UQCRC2: variants seen among roughly 807,000 people sequenced by gnomAD.
The protein encoded by UQCRC2 is ubiquinol-cytochrome c reductase core protein 2.
A neutral mutation model predicts 55.6 loss-of-function variants in UQCRC2; 49 were observed. The observed-to-expected ratio is 0.88, with a 90% CI of 0.70 to 1.12. UQCRC2 has a LOEUF of 1.12. Ranked by LOEUF, UQCRC2 falls within the 50% of genes most tolerant of loss-of-function variation. UQCRC2 has a pLI of 0.00. For missense variants in UQCRC2, 506 were observed against 547.8 expected (o/e 0.92, Z 0.76); for synonymous variants, 193 against 192.0 (o/e 1.01, Z -0.04).
chr16:21,978,180 G>A (rs1195199647), intron 12 of UQCRC2, among the ~76,000 whole-genome samples: 1 of 152,140 alleles, frequency 6.6e-6, no homozygotes, highest in African/African-American at 2.4e-5. Context: ...AGTTCTTCCT[G>A]TAGTGAAAGA....
intron 3 of UQCRC2, among the ~76,000 whole-genome samples, chr16:21,958,143 C>T (rs1465909974): frequency 6.6e-6 from 1 of 152,150 alleles, no homozygotes; most frequent in Non-Finnish European, 1.5e-5. Flanking sequence ...TGAGAAACCA[C>T]AAGATATTTG....
chr16:21,967,614 G>A (rs1269499271), intron 7 of UQCRC2, among the ~76,000 whole-genome samples: 1 of 152,118 alleles, frequency 6.6e-6, no homozygotes, highest in Non-Finnish European at 1.5e-5. Flanking sequence ...TGATTGGATG[G>A]ATGGGTAGTT....
At chr16:21,961,666 A>ATATT in intron 4 of UQCRC2, among the ~76,000 whole-genome samples, 1 of 111,104 alleles carries the variant, frequency 9.0e-6, no homozygotes, top group Admixed American at 9.4e-5. Context: ...ATATATATAT[A>ATATT]TATTTTAGAC....
intron 4 of UQCRC2, among the ~76,000 whole-genome samples, chr16:21,961,668 A>ATATT (rs1321053912): frequency 2.6e-5 from 3 of 116,048 alleles, no homozygotes; most frequent in Non-Finnish European, 5.2e-5. Context: ...ATATATATAT[A>ATATT]TTTTAGACAG....
intron 1 of UQCRC2, among the ~76,000 whole-genome samples, chr16:21,955,691 C>T (rs778243962): frequency 1.3e-5 from 2 of 152,168 alleles, no homozygotes; most frequent in African/African-American, 2.4e-5. Flanking sequence ...CTCAGGATGA[C>T]ATACATGTCA....
At chr16:21,957,182 A>G (rs1898099353) in intron 1 of UQCRC2, 53 bp from the exon 2 acceptor site, 5 of 1,560,108 alleles carry the variant, frequency 3.2e-6, no homozygotes, top group African/African-American at 2.7e-5. Context: ...ATGCTTTTAT[A>G]TAAAGCACTG....
chr16:21,972,314 A>G (rs1159953210), intron 10 of UQCRC2, among the ~76,000 whole-genome samples, 192 bp downstream of exon 10: 4 of 152,198 alleles, frequency 2.6e-5, no homozygotes, highest in East Asian at 3.8e-4. Context: ...CACTTTGTCT[A>G]TTACTTGTCA....
intron 6 of UQCRC2, among the ~76,000 whole-genome samples, chr16:21,964,713 C>G (rs1292072585): frequency 2.6e-5 from 4 of 152,206 alleles, no homozygotes; most frequent in African/African-American, 9.6e-5. Flanking sequence ...CCTTGTACCT[C>G]TACTGCACTT....
chr16:21,980,787 CAGTGTATTATTCTT>C (rs1898705351), intron 13 of UQCRC2, 87 bp downstream of exon 13: 1 of 1,489,848 alleles, frequency 6.7e-7, no homozygotes, highest in African/African-American at 1.4e-5. Context: ...CGTCCTTGGG[CAGTGTATTATTCTT>C]ATGTTTGGTG....
intron 8 of UQCRC2, among the ~76,000 whole-genome samples, chr16:21,968,944 CAAA>C (rs1824612854): frequency 6.6e-6 from 1 of 152,098 alleles, no homozygotes; most frequent in South Asian, 2.1e-4. Flanking sequence ...TTTCTCAAAG[CAAA>C]GAGCTTTTAC....
intron 7 of UQCRC2, among the ~76,000 whole-genome samples, chr16:21,965,872 C>T (rs998227619): frequency 6.6e-6 from 1 of 152,088 alleles, no homozygotes; most frequent in Non-Finnish European, 1.5e-5. Flanking sequence ...GTTTTAAATA[C>T]GGGGTCTTGC....
rs778618710 is a variant in UQCRC2, at chr16:21,962,488, T to C, written c.361T>C (p.Tyr121His). 55 of 1,614,068 alleles carry C rather than the reference T, an allele frequency of 3.4e-5. No homozygotes were observed. The Admixed American group carries it at 7.0e-4, about 21-fold the overall frequency. Residue 121 changes from tyrosine (Y) to histidine (H), a missense_variant, in exon 5 of 14, where the codon TAT becomes CAT. Physicochemically the swap from Tyr to His is moderately conservative, Grantham distance 83 (BLOSUM62 2). Coordinates refer to ENST00000268379, the MANE Select transcript of UQCRC2 (RefSeq NM_003366.4). ...GACCGCAACAAGGGAAAACATGGCT[T>C]ATACTGTGGAATGCCTGCGGGGTGA... is the stretch of plus-strand genomic sequence containing the variant. ...SVTATRENMA[Y>H]TVECLRGDVD...
chr16:21,955,425 G>T (rs533359950), intron 1 of UQCRC2, among the ~76,000 whole-genome samples: 1 of 152,298 alleles, frequency 6.6e-6, no homozygotes, highest in South Asian at 2.1e-4. Context: ...GGATGTCCGG[G>T]AAACTCCAGT....
intron 8 of UQCRC2, among the ~76,000 whole-genome samples, chr16:21,970,412 T>C (rs917526337): frequency 6.6e-6 from 1 of 152,212 alleles, no homozygotes; most frequent in African/African-American, 2.4e-5. Flanking sequence ...CCACCAGCAA[T>C]GCACAAAGGT....
At chr16:21,967,459 C>A (rs904040385) in intron 7 of UQCRC2, among the ~76,000 whole-genome samples, 1 of 151,332 alleles carries the variant, frequency 6.6e-6, no homozygotes, top group South Asian at 2.1e-4. Context: ...TCTTAGTTAC[C>A]CCAAACCAAT....
chr16:21,973,341 CT>C (rs1169952767), intron 10 of UQCRC2, among the ~76,000 whole-genome samples: 1 of 152,112 alleles, frequency 6.6e-6, no homozygotes, highest in Admixed American at 6.5e-5. Context: ...CACATAAACA[CT>C]GCAAATCGGG....
intron 1 of UQCRC2, among the ~76,000 whole-genome samples, chr16:21,955,020 A>C (rs1037208340): frequency 1.5e-5 from 2 of 137,580 alleles, no homozygotes; most frequent in Non-Finnish European, 3.0e-5. Flanking sequence ...GCACCGCTGC[A>C]CTCCAGCCTA....
At chr16:21,977,551 A>C (rs1386283500) in intron 12 of UQCRC2, among the ~76,000 whole-genome samples, 1 of 152,140 alleles carries the variant, frequency 6.6e-6, no homozygotes, top group Non-Finnish European at 1.5e-5. Context: ...CAATTTATAA[A>C]TCCCCACTGT....
intron 1 of UQCRC2, among the ~76,000 whole-genome samples, chr16:21,955,434 G>A (rs894450410): frequency 6.6e-6 from 1 of 152,206 alleles, no homozygotes; most frequent in Non-Finnish European, 1.5e-5. Flanking sequence ...GGAAACTCCA[G>A]TGAGGAGGTG....
Sources: gnomAD v4.1 joint callset for allele counts (sites outside exome capture counted in the v4.1 genomes callset) on GRCh38, gnomAD v4.1.1 for gene constraint, MANE v1.5 for transcripts, NCBI Gene and HGNC (gene_info 2026-07-23, HGNC 2026-07-21) for gene names.